Variants in COQ10B observed in about 807,000 individuals in gnomAD.
COQ10B encodes coenzyme Q10B, also known as coenzyme Q-binding protein COQ10 homolog B, mitochondrial.
In COQ10B, 12 loss-of-function variants were observed where a neutral mutation model predicts 27.6. The observed-to-expected ratio is 0.43, with a 90% CI of 0.28 to 0.70. The LOEUF (loss-of-function observed/expected upper bound fraction) is 0.70, where lower values mean the gene tolerates loss of function less well. Among genes scored for constraint, COQ10B ranks in the 30% least tolerant of loss-of-function variants. The pLI is 0.17. For synonymous variants in COQ10B, 115 were observed against 103.0 expected, an observed-to-expected ratio of 1.12 and a Z score of -0.71; for missense variants, 278 against 288.7, an observed-to-expected ratio of 0.96 and a Z score of 0.27.
chr2:197,462,674 A>G lies in COQ10B; in HGVS notation c.390A>G (p.Pro130=). The G allele has an allele frequency of 6.2e-7, 1 of 1,604,998 alleles. No individual in the cohort carries two copies. The highest frequency in any genetic ancestry group is 8.5e-7 in the Non-Finnish European group (1 of 1,176,272). ...YCKTRLEIGF[P]PVLERYTSVV... ...AAACAAGATTAGAAATTGGATTTCC[A>G]CCTGTGTTGGAGCGATATACATCAG... The change falls in exon 3 of 5, where the codon CCA becomes CCG. Residue 130 remains proline, a synonymous_variant. Transcript: ENST00000263960.
At chr2:197,453,807 T>G in intron 1 of COQ10B, 143 bp downstream of exon 1, 7 of 1,023,768 alleles carry the variant, frequency 6.8e-6, no homozygotes, top group Non-Finnish European at 1.0e-5. Context: ...TTTTTGCGTT[T>G]GGCATCTGAG....
intron 2 of COQ10B, 129 bp downstream of exon 2, chr2:197,460,210 CTTTTTT>C (rs781514263): frequency 1.1e-5 from 4 of 374,614 alleles, no homozygotes; most frequent in East Asian, 5.2e-5. Context: ...TGGCCTTTTT[CTTTTTT>C]TTTTTTTTTT....
intron 1 of COQ10B, chr2:197,454,206 G>A: frequency 1.4e-6 from 2 of 1,382,592 alleles, no homozygotes; most frequent in South Asian, 2.8e-5. Context: ...TAACTTACAG[G>A]TCCTGTAACC....
At chr2:197,464,962 T>C (rs962452458) in intron 3 of COQ10B, among the ~76,000 whole-genome samples, 2 of 151,670 alleles carry the variant, frequency 1.3e-5, no homozygotes, top group African/African-American at 2.4e-5. Context: ...CTTGGCTCAC[T>C]GCAAGCTCCG....
At chr2:197,470,311 C>A in intron 4 of COQ10B, 140 bp downstream of exon 4, 1 of 570,450 alleles carries the variant, frequency 1.8e-6, no homozygotes. Context: ...CTTTTTTATT[C>A]TATTTCTTGC....
chr2:197,456,001 A>T (rs2085694473), intron 1 of COQ10B, among the ~76,000 whole-genome samples: 1 of 152,046 alleles, frequency 6.6e-6, no homozygotes, highest in Non-Finnish European at 1.5e-5. Flanking sequence ...GATAAAGAAA[A>T]TGTGGTGTAT....
intron 1 of COQ10B, among the ~76,000 whole-genome samples, chr2:197,456,500 C>T (rs1333534267): frequency 2.2e-5 from 3 of 139,004 alleles, no homozygotes; most frequent in Non-Finnish European, 4.7e-5. Flanking sequence ...CGCAGTGGCT[C>T]ACGCTTGTAA....
chr2:197,459,895 A>T, intron 1 of COQ10B, 37 bp from the exon 2 acceptor site: 3 of 1,495,642 alleles, frequency 2.0e-6, no homozygotes, highest in Non-Finnish European at 2.7e-6. Flanking sequence ...TTTAATTTTT[A>T]CTGTCACTCT....
rs143472507 is a variant in COQ10B at position 197,462,725 on chromosome 2, A to G, written c.441A>G (p.Leu147=). ...TSVVTLVKPH[L]VKASCTDGRL... The stretch of plus-strand genomic sequence containing the variant: ...TAGTAACCTTGGTGAAACCTCATTT[A>G]GTAAAGGTAACAGTTTTGTTTTTTG... Residue 147 remains leucine, a synonymous_variant, in exon 3 of 5, where the codon TTA becomes TTG. Transcript: ENST00000263960. 146 of 1,504,902 alleles carry G rather than the reference A, an allele frequency of 9.7e-5. No individual in the cohort carries two copies. In the African/African-American group the frequency reaches 1.8e-3, roughly 19 times the overall value. The allele number at this position is 1,504,902 out of a possible 1,614,324, so 93.2% of individuals were successfully genotyped here. A position where few individuals can be genotyped will look rare whatever the true frequency, so the allele number is the denominator to read the frequency against.
chr2:197,466,409 C>T (rs1159166442), intron 3 of COQ10B, among the ~76,000 whole-genome samples: 1 of 152,148 alleles, frequency 6.6e-6, no homozygotes, highest in African/African-American at 2.4e-5. Context: ...GGTGATTCTC[C>T]TGTGCTTTAT....
chr2:197,460,131 G>C (rs574348449), intron 2 of COQ10B, 50 bp downstream of exon 2: 38 of 1,337,412 alleles, frequency 2.8e-5, no homozygotes, highest in Admixed American at 6.1e-5. Context: ...ACAATTTTCC[G>C]TGGGGTATCG....
intron 2 of COQ10B, 115 bp downstream of exon 2, chr2:197,460,196 A>G: frequency 1.6e-6 from 1 of 639,210 alleles, no homozygotes; most frequent in Non-Finnish European, 2.4e-6. Flanking sequence ...TCTCTTTTCT[A>G]GGTTGGCCTT....
intron 3 of COQ10B, among the ~76,000 whole-genome samples, chr2:197,468,379 C>T (rs939638461): frequency 1.4e-5 from 2 of 143,876 alleles, no homozygotes; most frequent in African/African-American, 5.2e-5. Context: ...GGAGGCGGAG[C>T]TTGCAGTGAG....
chr2:197,457,570 TTAAAAGGTCCTAA>T (rs2085712616), intron 1 of COQ10B, among the ~76,000 whole-genome samples: 5 of 152,228 alleles, frequency 3.3e-5, no homozygotes, highest in Admixed American at 2.0e-4. Context: ...TCTTAAAATC[TTAAAAGGTCCTAA>T]TAAGTTTACC....
rs1043283186 is a variant in COQ10B, at chr2:197,474,577, T to G, written c.*653T>G. 5.3e-5 allele frequency: 8 copies of G among 152,326 alleles called. No homozygotes were observed. Among genetic ancestry groups the G allele is most frequent in the African/African-American group, 1.7e-4 (7 of 41,552 alleles). 9.4% of individuals were successfully genotyped at this position (152,326 alleles called of 1,614,324 possible). A position where few individuals can be genotyped will look rare whatever the true frequency, so the allele number is the denominator to read the frequency against. ...GGCACACACCTGTAATCCCAGTTAC[T>G]TGGGAGGCTGAGGCACAAGAATCGC... On this transcript the variant is annotated 3_prime_UTR_variant, in exon 5 of 5. Coordinates refer to ENST00000263960, the MANE Select transcript of COQ10B (RefSeq NM_025147.5).
intron 4 of COQ10B, among the ~76,000 whole-genome samples, chr2:197,473,399 C>CCA (rs1553575297): frequency 9.4e-5 from 9 of 95,636 alleles, no homozygotes; most frequent in African/African-American, 4.4e-4. Context: ...ACGCCCCCCC[C>CCA]CACAAAAAAA....
At position 197,464,002 on chromosome 2, in the gene COQ10B, CA is replaced by C. The variant is rs1446895628; in HGVS notation, c.447+1272del. ...ATATATATATATATATATATACACA[CA>C]CACACACACACACACACACACACAT... On this transcript the variant is annotated intron_variant, in intron 3 of 4. Coordinates refer to ENST00000263960, the MANE Select transcript of COQ10B (RefSeq NM_025147.5). 2.5e-3 allele frequency among the ~76,000 whole-genome samples: 253 copies of C among 100,472 alleles called. 1 individual carries two copies. Among genetic ancestry groups the C allele is most frequent in the Non-Finnish European group, 4.1e-3 (213 of 51,696 alleles). 65.9% of individuals were successfully genotyped at this position (100,472 alleles called of 152,430 possible). A position where few individuals can be genotyped will look rare whatever the true frequency, so the allele number is the denominator to read the frequency against.
intron 4 of COQ10B, among the ~76,000 whole-genome samples, chr2:197,471,106 A>AT (rs906820260): frequency 1.3e-5 from 2 of 151,802 alleles, no homozygotes; most frequent in African/African-American, 4.8e-5. Flanking sequence ...AAGGTAATAT[A>AT]TTTTTTTCAT....
intron 4 of COQ10B, 97 bp downstream of exon 4, chr2:197,470,268 T>G: frequency 1.6e-6 from 1 of 642,472 alleles, no homozygotes; most frequent in Non-Finnish European, 2.8e-6. Flanking sequence ...TTATATTGAA[T>G]ACCTTTTTCT....
Sources: allele counts gnomAD v4.1 joint callset (sites outside exome capture counted in the v4.1 genomes callset), GRCh38; gene constraint gnomAD v4.1.1; transcripts MANE v1.5; gene names NCBI Gene and HGNC (gene_info 2026-07-23, HGNC 2026-07-21).